CATSPERB: variants seen among roughly 807,000 people sequenced by gnomAD.
The protein encoded by CATSPERB is catsper channel auxiliary subunit beta.
In CATSPERB, 93 loss-of-function variants were observed where a neutral mutation model predicts 128.3. The ratio of observed to expected loss-of-function variants is 0.72; its 90% CI spans 0.61 to 0.86. CATSPERB has a LOEUF of 0.86. CATSPERB is among the 40% of genes least tolerant of loss of function. The pLI is 0.00. For missense variants in CATSPERB, 1,153 were observed against 1,329.5 expected, an observed-to-expected ratio of 0.87 and a Z score of 2.06; for synonymous variants, 381 against 448.8, an observed-to-expected ratio of 0.85 and a Z score of 1.91.
At chr14:91,629,632 AT>A (rs1204101424) in intron 17 of CATSPERB, among the ~76,000 whole-genome samples, 1 of 152,186 alleles carries the variant, frequency 6.6e-6, no homozygotes, top group Non-Finnish European at 1.5e-5. Context: ...ACAGAGGTAT[AT>A]AGGAACTCTA....
chr14:91,680,415 C>T (rs1184703408), intron 11 of CATSPERB, among the ~76,000 whole-genome samples: 3 of 152,150 alleles, frequency 2.0e-5, no homozygotes, highest in Non-Finnish European at 4.4e-5. Context: ...AAACAAAATG[C>T]TTGTGTTTTG....
intron 18 of CATSPERB, among the ~76,000 whole-genome samples, chr14:91,622,717 T>A (rs570732555): frequency 3.9e-5 from 6 of 152,186 alleles, no homozygotes; most frequent in Non-Finnish European, 8.8e-5. Flanking sequence ...GAAAATCCTT[T>A]CCAATATTCC....
At position 91,624,971 on chromosome 14, in the gene CATSPERB, T is replaced by C. The variant is rs1418180863; in HGVS notation, c.1779A>G (p.Gln593=). 4 of 1,600,922 alleles carry C rather than the reference T, an allele frequency of 2.5e-6. No individual in the cohort carries two copies. Among genetic ancestry groups the C allele is most frequent in the East Asian group, 2.2e-5 (1 of 44,704 alleles). ...ACAAAAATCCTTTAGGAGTCGTATGTTGCAATACCTTTCTTATGTAAGCTC... is the reference window on the plus strand; with the variant it reads ...ACAAAAATCCTTTAGGAGTCGTATGCTGCAATACCTTTCTTATGTAAGCTC... The part of the protein sequence containing the change: ...TGRAYIRKVL[Q]HTTPKGFLSS... The change falls in exon 18 of 27, where the codon CAA becomes CAG. Residue 593 remains glutamine (Q), a synonymous_variant. Coordinates refer to ENST00000256343, the MANE Select transcript of CATSPERB (RefSeq NM_024764.4).
At chr14:91,663,980 G>A (rs975418657) in intron 14 of CATSPERB, among the ~76,000 whole-genome samples, 4 of 152,018 alleles carry the variant, frequency 2.6e-5, no homozygotes, top group Non-Finnish European at 5.9e-5. Flanking sequence ...TTACATTAGG[G>A]ACCATTCTTA....
intron 17 of CATSPERB, among the ~76,000 whole-genome samples, chr14:91,631,230 C>T (rs1403407501): frequency 6.6e-6 from 1 of 152,216 alleles, no homozygotes; most frequent in East Asian, 1.9e-4. Flanking sequence ...GTGCCTAGCA[C>T]AAGACTTGAT....
In CATSPERB at chr14:91,621,826, GC is replaced by G. The variant is rs752376440; in HGVS notation, c.2041del (p.Ala681LeufsTer11). The stretch of plus-strand genomic sequence containing the variant: ...GTTGGGTGCACTTTCAGGCATGGTA[GC>G]AATGGCTAATGCATTCTTATTATCT... ...ILDNKNALAI[A>X]TMPESAPNNM... On this transcript the variant is annotated frameshift_variant, in exon 19 of 27. Coordinates refer to ENST00000256343, the MANE Select transcript of CATSPERB (RefSeq NM_024764.4). LOFTEE classifies it high-confidence loss of function. 3.1e-6 allele frequency: 5 copies of G among 1,613,908 alleles called. No homozygotes were observed. Among genetic ancestry groups the G allele is most frequent in the African/African-American group, 2.7e-5 (2 of 74,922 alleles).
intron 17 of CATSPERB, among the ~76,000 whole-genome samples, chr14:91,629,531 A>C (rs1337250674): frequency 1.3e-5 from 2 of 152,208 alleles, no homozygotes; most frequent in Non-Finnish European, 2.9e-5. Context: ...TGGGTGATAA[A>C]TGATGTGTCA....
At chr14:91,606,245 T>C (rs1183590684) in intron 22 of CATSPERB, among the ~76,000 whole-genome samples, 1 of 152,010 alleles carries the variant, frequency 6.6e-6, no homozygotes, top group African/African-American at 2.4e-5. Context: ...GCAGTAGCTA[T>C]GAGATTCAGA....
chr14:91,582,228 A>G (rs1420703791), intron 26 of CATSPERB, among the ~76,000 whole-genome samples: 3 of 152,186 alleles, frequency 2.0e-5, no homozygotes, highest in Non-Finnish European at 4.4e-5. Context: ...TTTTTCCAAA[A>G]ATGTTTAATA....
intron 15 of CATSPERB, among the ~76,000 whole-genome samples, chr14:91,652,670 CAAAAAAAAAAAAAAAAAAAAAA>C (rs58608847): frequency 8.7e-5 from 6 of 69,166 alleles, no homozygotes; most frequent in South Asian, 1.3e-3. Context: ...GACTCTGTCT[CAAAAAAAAAAAAAAAAAAAAAA>C]AAAAAAAAAA....
intron 15 of CATSPERB, among the ~76,000 whole-genome samples, chr14:91,647,913 A>G (rs537424348): frequency 6.6e-6 from 1 of 152,206 alleles, no homozygotes; most frequent in Non-Finnish European, 1.5e-5. Context: ...AATTTATCTA[A>G]GTATTTTGTT....
intron 5 of CATSPERB, chr14:91,710,286 C>G (rs1269187442): frequency 1.3e-5 from 2 of 152,162 alleles, no homozygotes; most frequent in African/African-American, 4.8e-5. Flanking sequence ...GGTGGTGTCT[C>G]ACTTTGAAAA....
intron 6 of CATSPERB, among the ~76,000 whole-genome samples, chr14:91,706,410 C>A (rs1046364055): frequency 1.3e-5 from 2 of 152,128 alleles, no homozygotes; most frequent in Non-Finnish European, 2.9e-5. Context: ...ACAATGCCCC[C>A]CTACTTATAT....
chr14:91,630,517 C>T (rs1267704914), intron 17 of CATSPERB, among the ~76,000 whole-genome samples: 1 of 152,206 alleles, frequency 6.6e-6, no homozygotes, highest in Non-Finnish European at 1.5e-5. Context: ...CTGATACCTG[C>T]ACTTTTCGTC....
chr14:91,665,357 G>C (rs1035180185), intron 14 of CATSPERB, among the ~76,000 whole-genome samples: 5 of 152,046 alleles, frequency 3.3e-5, no homozygotes, highest in Non-Finnish European at 7.4e-5. Flanking sequence ...TTCAAAAAAT[G>C]ACAGAAAATG....
At chr14:91,619,904 TGTGTGTG>T (rs1894012424) in intron 19 of CATSPERB, among the ~76,000 whole-genome samples, 4 of 140,534 alleles carry the variant, frequency 2.8e-5, no homozygotes, top group Non-Finnish European at 6.4e-5. Flanking sequence ...TGTGTGTGTG[TGTGTGTG>T]TTTTAATAGA....
At chr14:91,620,524 T>G (rs1894023245) in intron 19 of CATSPERB, among the ~76,000 whole-genome samples, 1 of 152,152 alleles carries the variant, frequency 6.6e-6, no homozygotes, top group African/African-American at 2.4e-5. Context: ...TCTCTTCCTA[T>G]CTCAGTTATT....
At chr14:91,599,459 T>A (rs1461818339) in intron 22 of CATSPERB, among the ~76,000 whole-genome samples, 1 of 144,396 alleles carries the variant, frequency 6.9e-6, no homozygotes, top group Non-Finnish European at 1.5e-5. Flanking sequence ...CTTGGGAGGC[T>A]GAGGCAGGAG....
intron 16 of CATSPERB, 119 bp downstream of exon 16, chr14:91,638,977 A>C: frequency 1.2e-6 from 1 of 832,364 alleles, no homozygotes; most frequent in Non-Finnish European, 1.8e-6. Flanking sequence ...AATAGAGCAA[A>C]CTGCATTAAT....
Sources: allele counts gnomAD v4.1 joint callset (sites outside exome capture counted in the v4.1 genomes callset), GRCh38; gene constraint gnomAD v4.1.1; transcripts MANE v1.5; gene names NCBI Gene and HGNC (gene_info 2026-07-23, HGNC 2026-07-21).